Variants in DYNC2H1 observed in about 807,000 individuals in gnomAD.
DYNC2H1 encodes the protein dynein cytoplasmic 2 heavy chain 1, also known as cytoplasmic dynein 2 heavy chain 1.
A neutral mutation model predicts 570.0 loss-of-function variants in DYNC2H1; 410 were observed. The ratio of observed to expected loss-of-function variants is 0.72; its 90% CI spans 0.66 to 0.78. The LOEUF is 0.78. Ranked by LOEUF, DYNC2H1 falls within the 30% of genes least tolerant of loss-of-function variation. DYNC2H1 has a pLI of 0.00. For synonymous variants in DYNC2H1, 1,688 were observed against 1,677.6 expected (o/e 1.01, Z -0.15); for missense variants, 4,865 against 5,046.4 (o/e 0.96, Z 1.09).
chr11:103,472,984 C>T lies in DYNC2H1; in HGVS notation c.12765+4279C>T, dbSNP rs778539492. ...GGCTGCAGCTCCATTTTTCAGAGAACATTTTAGGTTGCAAAAGATTGAAGA... is the reference window on the plus strand; with the variant it reads ...GGCTGCAGCTCCATTTTTCAGAGAATATTTTAGGTTGCAAAAGATTGAAGA... On this transcript the variant is annotated intron_variant, in intron 88 of 88. Transcript: ENST00000375735. The surrounding 1 kb of genome is among the most constrained non-coding windows in gnomAD (Gnocchi z 4.1). Among the ~76,000 whole-genome samples, 1 of 152,224 alleles carries T rather than the reference C, an allele frequency of 6.6e-6. No homozygotes were observed. The highest frequency in any genetic ancestry group is 1.5e-5 in the Non-Finnish European group (1 of 68,016).
chr11:103,176,235 C>A lies in DYNC2H1; in HGVS notation c.5675C>A (p.Ala1892Asp), dbSNP rs1861802451. 2 of 1,468,730 alleles carry A rather than the reference C, an allele frequency of 1.4e-6. No homozygotes were observed. Among genetic ancestry groups the A allele is most frequent in the African/African-American group, 1.5e-5 (1 of 67,964 alleles). The allele number at this position is 1,468,730 out of a possible 1,614,324, so 91.0% of individuals were successfully genotyped here. ...QLNKSGTTQNANESHIVVQAL... is the reference protein window; with the variant it reads ...QLNKSGTTQNDNESHIVVQAL... ...ATTTTAAAATGAAACTTTTTTCTAG[C>A]TAATGAAAGTCATATTGTGGTACAA... Residue 1892 changes from alanine (A) to aspartate (D), a missense_variant and splice_region_variant, in exon 37 of 89, where the codon GCT (alanine) becomes GAT (aspartate). By Grantham distance (126) the Ala-to-Asp change is moderately radical. Around this residue, in one of 5 missense-constraint regions of DYNC2H1, gnomAD observed 292 missense variants for 300.2 expected, o/e 0.97. Transcript: ENST00000375735.
At chr11:103,270,033 A>G (rs566296785) in intron 70 of DYNC2H1, among the ~76,000 whole-genome samples, 3 of 152,012 alleles carry the variant, frequency 2.0e-5, no homozygotes, top group African/African-American at 7.2e-5. Flanking sequence ...TCTCTACTGA[A>G]AATACAAAAA....
intron 58 of DYNC2H1, 44 bp from the exon 59 acceptor site, chr11:103,222,921 G>A: frequency 6.2e-7 from 1 of 1,606,642 alleles, no homozygotes; most frequent in Middle Eastern, 1.7e-4. Flanking sequence ...GCTTTCATTT[G>A]AAATTAAGTA....
In DYNC2H1 at chr11:103,122,825, G is replaced by A; in HGVS notation, c.1486G>A (p.Val496Ile). 1.9e-6 allele frequency: 3 copies of A among 1,611,104 alleles called. No homozygotes were observed. The highest frequency in any genetic ancestry group is 1.1e-5 in the South Asian group (1 of 90,498). ...CATGTCTGTAATTTGGCTTTTTAAG[G>A]TAGATGATACTATCAAGATTGCAGA... ...IVWVRQLELK[V>I]DDTIKIAEAL... The change falls in exon 11 of 89, where the codon GTA becomes ATA. Residue 496 changes from valine (V) to isoleucine (I), a missense_variant and splice_region_variant. By Grantham distance (29) the Val-to-Ile change is conservative. This residue lies in a region of DYNC2H1 where 1,936 missense variants were observed against 1,962.1 expected (regional missense o/e 0.99). Transcript: ENST00000375735.
intron 83 of DYNC2H1, among the ~76,000 whole-genome samples, chr11:103,373,813 T>C (rs1941278575): frequency 6.6e-6 from 1 of 152,218 alleles, no homozygotes; most frequent in South Asian, 2.1e-4. Flanking sequence ...TATATTTCAG[T>C]GTCTGTTTCC....
chr11:103,448,671 T>A (rs1484190734), intron 85 of DYNC2H1, among the ~76,000 whole-genome samples: 3 of 152,168 alleles, frequency 2.0e-5, no homozygotes, highest in African/African-American at 7.2e-5. Flanking sequence ...AGATAAGAAA[T>A]GCCAGAAACA....
In DYNC2H1 at chr11:103,268,533, C is replaced by T. The variant is rs1041084580; in HGVS notation, c.10695+8556C>T. The stretch of plus-strand genomic sequence containing the variant: ...ATGTAGTTTTAATCTGTTTTATTTT[C>T]TAGGCAATATATTAAGCCTACGAAG... On this transcript the variant is annotated intron_variant, in intron 70 of 88. Transcript: ENST00000375735. This position sits in a 1 kb window ranked among gnomAD's most constrained non-coding sequence, Gnocchi z 4.6. 5.3e-5 allele frequency among the ~76,000 whole-genome samples: 8 copies of T among 151,668 alleles called. No individual in the cohort carries two copies. The highest frequency in any genetic ancestry group is 1.0e-4 in the Non-Finnish European group (7 of 67,834).
intron 75 of DYNC2H1, among the ~76,000 whole-genome samples, chr11:103,288,519 T>C (rs1009697351): frequency 6.0e-5 from 9 of 151,034 alleles, no homozygotes; most frequent in Admixed American, 1.3e-4. Context: ...AGTCTGCCTT[T>C]GTAGGACTAG....
At chr11:103,253,762 T>C (rs996593630) in intron 66 of DYNC2H1, among the ~76,000 whole-genome samples, 1 of 152,268 alleles carries the variant, frequency 6.6e-6, no homozygotes, top group East Asian at 1.9e-4. Context: ...ATATTTTTGG[T>C]TTGAAAACTG....
Position 103,159,009 on chromosome 11 carries a change from C to T in DYNC2H1, c.4360C>T (p.Leu1454=). Residue 1454 remains leucine, a synonymous_variant, in exon 28 of 89, where the codon CTG becomes TTG. Coordinates refer to ENST00000375735, the MANE Select transcript of DYNC2H1 (RefSeq NM_001377.3). The part of the protein sequence containing the change: ...STNPSVIQSH[L]KKLFAGINSV... The stretch of plus-strand genomic sequence containing the variant: ...CAACCCATCAGTGATTCAGTCTCAC[C>T]TGAAGAAGCTTTTTGCTGGTAGGAT... 1 of 1,612,286 alleles carries T rather than the reference C, an allele frequency of 6.2e-7. No homozygotes were observed. Among genetic ancestry groups the T allele is most frequent in the Non-Finnish European group, 8.5e-7 (1 of 1,179,156 alleles).
At chr11:103,213,271 T>C (rs1298367147) in intron 54 of DYNC2H1, among the ~76,000 whole-genome samples, 2 of 152,092 alleles carry the variant, frequency 1.3e-5, no homozygotes, top group African/African-American at 4.8e-5. Context: ...ATGTCTACTA[T>C]AAAAAACAGT....
chr11:103,216,956 T>C (rs1863409323), intron 55 of DYNC2H1, among the ~76,000 whole-genome samples: 1 of 152,202 alleles, frequency 6.6e-6, no homozygotes, highest in East Asian at 1.9e-4. Flanking sequence ...ACAGAACTTA[T>C]AAATTATATT....
At position 103,122,857 on chromosome 11, in the gene DYNC2H1, T is replaced by G. The variant is rs765794413; in HGVS notation, c.1518T>G (p.Leu506=). 1 of 1,613,192 alleles carries G rather than the reference T, an allele frequency of 6.2e-7. No homozygotes were observed. The highest frequency in any genetic ancestry group is 2.2e-5 in the East Asian group (1 of 44,816). The change falls in exon 11 of 89, where the codon CTT becomes CTG. Residue 506 remains leucine (L), a synonymous_variant. Transcript: ENST00000375735. The stretch of plus-strand genomic sequence containing the variant: ...ATACTATCAAGATTGCAGAGGCTCT[T>G]TTATCTGACTTGCCAGGATTTCGAT... ...VDDTIKIAEA[L]LSDLPGFRCF... is the part of the protein sequence containing the mutation.
At chr11:103,223,222 A>G in intron 59 of DYNC2H1, 136 bp downstream of exon 59, 1 of 812,096 alleles carries the variant, frequency 1.2e-6, no homozygotes, top group South Asian at 3.2e-5. Context: ...GAATGAGTCA[A>G]TTAAAGACAA....
intron 59 of DYNC2H1, among the ~76,000 whole-genome samples, chr11:103,223,303 A>G (rs1284983628): frequency 1.3e-5 from 2 of 152,184 alleles, no homozygotes; most frequent in African/African-American, 4.8e-5. Context: ...TTTCTTTACC[A>G]TTATTATATT....
At chr11:103,114,058 C>T (rs933764802) in intron 2 of DYNC2H1, 45 bp from the exon 3 acceptor site, 23 of 1,588,902 alleles carry the variant, frequency 1.4e-5, no homozygotes, top group Non-Finnish European at 2.0e-5. Context: ...ATTTGATTAG[C>T]AAAATTTTGA....
At chr11:103,318,918 G>A (rs1212701862) in intron 80 of DYNC2H1, among the ~76,000 whole-genome samples, 1 of 151,946 alleles carries the variant, frequency 6.6e-6, no homozygotes, top group Non-Finnish European at 1.5e-5. Flanking sequence ...TCATACATGG[G>A]TAACTACTTT....
Position 103,387,592 on chromosome 11 carries a change from A to T in DYNC2H1, c.12157-12071A>T, listed in dbSNP as rs559144286. On this transcript the variant is annotated intron_variant, in intron 83 of 88. Transcript: ENST00000375735. ...GTCCTTGCCCATGCCTATGTCCTGAATGGTATTGCCTAGGTTTTCTTCTAG... is the reference window on the plus strand; with the variant it reads ...GTCCTTGCCCATGCCTATGTCCTGATTGGTATTGCCTAGGTTTTCTTCTAG... Among the ~76,000 whole-genome samples, 6 of 152,282 alleles carry T rather than the reference A, an allele frequency of 3.9e-5. No individual in the cohort carries two copies. In the South Asian group the frequency reaches 8.3e-4, roughly 21 times the overall value.
chr11:103,391,951 C>T (rs1249447222), intron 83 of DYNC2H1, among the ~76,000 whole-genome samples: 1 of 152,206 alleles, frequency 6.6e-6, no homozygotes. Context: ...GTCAGGGACC[C>T]ACTTGAGGAG....
Sources: allele counts gnomAD v4.1 joint callset (sites outside exome capture counted in the v4.1 genomes callset), GRCh38; gene constraint gnomAD v4.1.1; regional missense constraint gnomAD v4.1.1; non-coding constraint Gnocchi (gnomAD v3.1); transcripts MANE v1.5; gene names NCBI Gene and HGNC (gene_info 2026-07-23, HGNC 2026-07-21).